FOXK1: variants seen among roughly 807,000 people sequenced by gnomAD.
FOXK1 encodes forkhead box K1, also known as forkhead box protein K1.
Under a neutral mutation model 51.9 loss-of-function variants are expected in FOXK1, and 19 were observed. That is an observed-to-expected ratio of 0.37 (90% CI 0.26 to 0.54). The LOEUF is 0.54. FOXK1 is among the 20% of genes least tolerant of loss of function. The probability of loss-of-function intolerance (pLI) is 0.87; values close to 1 mark genes in which losing one functional copy is unlikely to be tolerated. For missense variants in FOXK1, 870 were observed against 1,032.7 expected, an observed-to-expected ratio of 0.84 and a Z score of 2.16; for synonymous variants, 537 against 482.6, an observed-to-expected ratio of 1.11 and a Z score of -1.48.
chr7:4,700,358 G>C (rs1780006073), intron 1 of FOXK1, among the ~76,000 whole-genome samples: 2 of 152,246 alleles, frequency 1.3e-5, no homozygotes, highest in Admixed American at 6.5e-5. Context: ...AAAGTGATCA[G>C]AAGTTCCATT....
chr7:4,740,382 A>T (rs1212545938), intron 1 of FOXK1, among the ~76,000 whole-genome samples: 1 of 151,096 alleles, frequency 6.6e-6, no homozygotes, highest in African/African-American at 2.4e-5. Context: ...GTGAGCTGAG[A>T]TCGTGTCCCT....
intron 1 of FOXK1, among the ~76,000 whole-genome samples, chr7:4,685,233 T>TC (rs1422701969): frequency 2.0e-5 from 3 of 150,052 alleles, no homozygotes; most frequent in African/African-American, 7.4e-5. Context: ...TTTTTTTTTT[T>TC]TTTTTTTTCT....
intron 1 of FOXK1, among the ~76,000 whole-genome samples, chr7:4,738,436 CAAA>C (rs763097060): frequency 7.1e-5 from 7 of 99,128 alleles, no homozygotes; most frequent in Non-Finnish European, 4.3e-5. Flanking sequence ...GACTCCGTCT[CAAA>C]AAAAAAAAAA....
intron 1 of FOXK1, among the ~76,000 whole-genome samples, chr7:4,696,912 AC>A (rs1403348908): frequency 2.0e-5 from 3 of 152,126 alleles, no homozygotes; most frequent in Non-Finnish European, 4.4e-5. Flanking sequence ...TACTAAAAAT[AC>A]AAAAATTAGC....
chr7:4,697,731 G>A (rs1204554763), intron 1 of FOXK1, among the ~76,000 whole-genome samples: 1 of 141,492 alleles, frequency 7.1e-6, no homozygotes, highest in Non-Finnish European at 1.5e-5. Context: ...TTACATACAG[G>A]AAAGATAGGC....
At position 4,755,479 on chromosome 7, in the gene FOXK1, T is replaced by A; in HGVS notation, c.1050+96T>A. ...TTCCCTTAAAACAGAAGAGGGCCAG[T>A]GAGGGGGCTCACGCCTGGAACCCTA... On this transcript the variant is annotated intron_variant, in intron 4 of 8. Coordinates refer to ENST00000328914, the MANE Select transcript of FOXK1 (RefSeq NM_001037165.2). The surrounding 1 kb of genome is among the most constrained non-coding windows in gnomAD (Gnocchi z 6.6). 6.6e-7 allele frequency: 1 copy of A among 1,510,206 alleles called. No homozygotes were observed. The highest frequency in any genetic ancestry group is 9.0e-7 in the Non-Finnish European group (1 of 1,117,310). 93.6% of individuals were successfully genotyped at this position (1,510,206 alleles called of 1,614,324 possible). A position where few individuals can be genotyped will look rare whatever the true frequency, so the allele number is the denominator to read the frequency against.
In FOXK1 at chr7:4,729,238, G is replaced by C. The variant is rs113132771; in HGVS notation, c.561-11600G>C. On this transcript the variant is annotated intron_variant, in intron 1 of 8. Transcript: ENST00000328914. This position sits in a 1 kb window ranked among gnomAD's most constrained non-coding sequence, Gnocchi z 6.2. ...CTCAGGATCCTCTTCGGGAGCAGCAGGCAGTGGCTTTCTCCTGGGCCAGGC... is the reference window on the plus strand; with the variant it reads ...CTCAGGATCCTCTTCGGGAGCAGCACGCAGTGGCTTTCTCCTGGGCCAGGC... Among the ~76,000 whole-genome samples the C allele has an allele frequency of 1.8e-4, 27 of 152,328 alleles. 1 individual carries two copies. The highest frequency in any genetic ancestry group is 5.8e-4 in the African/African-American group (24 of 41,576).
At position 4,734,833 on chromosome 7, in the gene FOXK1, AG is replaced by A. The variant is rs563698508; in HGVS notation, c.561-6004del. On this transcript the variant is annotated intron_variant, in intron 1 of 8. Transcript: ENST00000328914. This position sits in a 1 kb window ranked among gnomAD's most constrained non-coding sequence, Gnocchi z 5.2. Reference sequence around the variant, plus strand: ...TCCAGGCCTCGGGTTCACCCCATCCAGAAAGTAAACCCGTCCTTCCGCTGGG... The same window carrying A: ...TCCAGGCCTCGGGTTCACCCCATCCAAAAGTAAACCCGTCCTTCCGCTGGG... Among the ~76,000 whole-genome samples the A allele has an allele frequency of 1.9e-4, 29 of 152,288 alleles. No individual in the cohort carries two copies. The South Asian group carries it at 5.8e-3, about 30-fold the overall frequency.
At chr7:4,691,835 C>G (rs1043101046) in intron 1 of FOXK1, among the ~76,000 whole-genome samples, 1 of 152,180 alleles carries the variant, frequency 6.6e-6, no homozygotes, top group Non-Finnish European at 1.5e-5. Context: ...AGCAGAGACC[C>G]TGTTATTATG....
In FOXK1 at chr7:4,757,617, A is replaced by G. The variant is rs1232737536; in HGVS notation, c.1244+430A>G. Among the ~76,000 whole-genome samples, 5 of 142,716 alleles carry G rather than the reference A, an allele frequency of 3.5e-5. 1 individual carries two copies. The highest frequency in any genetic ancestry group is 1.3e-4 in the African/African-American group (5 of 37,158). The allele number at this position is 142,716 out of a possible 152,430, so 93.6% of individuals were successfully genotyped here. A position where few individuals can be genotyped will look rare whatever the true frequency, so the allele number is the denominator to read the frequency against. On this transcript the variant is annotated intron_variant, in intron 5 of 8. Transcript: ENST00000328914. Reference sequence around the variant, plus strand: ...CCACTGCACTGCAGCCTGGGCGACAAGAGCAAAACTCCGTCTCAAAAAAAA... The same window carrying G: ...CCACTGCACTGCAGCCTGGGCGACAGGAGCAAAACTCCGTCTCAAAAAAAA...
chr7:4,755,118 G>A lies in FOXK1; in HGVS notation c.904-119G>A, dbSNP rs1419316864. The stretch of plus-strand genomic sequence containing the variant: ...GGATAGTTGGAGGGCACTGGGACGG[G>A]TGCCGGCAAGACGCGCACATTCTCG... On this transcript the variant is annotated intron_variant, in intron 3 of 8. Transcript: ENST00000328914. The surrounding 1 kb of genome is among the most constrained non-coding windows in gnomAD (Gnocchi z 6.6). 5 of 1,314,476 alleles carry A rather than the reference G, an allele frequency of 3.8e-6. No individual in the cohort carries two copies. Among genetic ancestry groups the A allele is most frequent in the Non-Finnish European group, 5.2e-6 (5 of 960,956 alleles). The allele number at this position is 1,314,476 out of a possible 1,614,324, so 81.4% of individuals were successfully genotyped here.
At chr7:4,741,255 T>C (rs1377279170) in intron 2 of FOXK1, among the ~76,000 whole-genome samples, 3 of 152,244 alleles carry the variant, frequency 2.0e-5, no homozygotes, top group Non-Finnish European at 4.4e-5. Flanking sequence ...TTTTACATAT[T>C]AGAGCTTGTT....
intron 2 of FOXK1, among the ~76,000 whole-genome samples, chr7:4,752,813 C>T (rs1328705515): frequency 6.6e-6 from 1 of 152,178 alleles, no homozygotes; most frequent in East Asian, 1.9e-4. Flanking sequence ...GCCCCTCCGG[C>T]CATGAGGCCA....
At position 4,718,362 on chromosome 7, in the gene FOXK1, T is replaced by C. The variant is rs554953329; in HGVS notation, c.561-22476T>C. Among the ~76,000 whole-genome samples, 182 of 152,268 alleles carry C rather than the reference T, an allele frequency of 1.2e-3. 1 individual carries two copies. Among genetic ancestry groups the C allele is most frequent in the Middle Eastern group, 0.01 (3 of 294 alleles). ...CGTCTCCATGGCTGCAGGCCTGTCGTTATGAGAAGGTTTCAGAAGCGGGCT... is the reference window on the plus strand; with the variant it reads ...CGTCTCCATGGCTGCAGGCCTGTCGCTATGAGAAGGTTTCAGAAGCGGGCT... On this transcript the variant is annotated intron_variant, in intron 1 of 8. Coordinates refer to ENST00000328914, the MANE Select transcript of FOXK1 (RefSeq NM_001037165.2).
rs1780853300 is a variant in FOXK1, at chr7:4,756,385, G to T, written c.1051-609G>T. On this transcript the variant is annotated intron_variant, in intron 4 of 8. Coordinates refer to ENST00000328914, the MANE Select transcript of FOXK1 (RefSeq NM_001037165.2). This position sits in a 1 kb window ranked among gnomAD's most constrained non-coding sequence, Gnocchi z 4.1. ...CCAGCCTCGGCTTCCCAAAGTGCTG[G>T]GATTACAGGCGTGAGCCACTGTGCC... is the stretch of plus-strand genomic sequence containing the variant. Among the ~76,000 whole-genome samples, 1 of 151,938 alleles carries T rather than the reference G, an allele frequency of 6.6e-6. No homozygotes were observed. The highest frequency in any genetic ancestry group is 6.6e-5 in the Admixed American group (1 of 15,264).
intron 2 of FOXK1, among the ~76,000 whole-genome samples, chr7:4,750,570 G>C (rs1229846351): frequency 6.6e-6 from 1 of 151,720 alleles, no homozygotes; most frequent in Admixed American, 6.6e-5. Context: ...AGCCTCCCAA[G>C]TAGCTGGGAC....
In FOXK1 at chr7:4,755,431, C is replaced by T; in HGVS notation, c.1050+48C>T. 6.2e-7 allele frequency: 1 copy of T among 1,600,284 alleles called. No individual in the cohort carries two copies. Among genetic ancestry groups the T allele is most frequent in the Non-Finnish European group, 8.5e-7 (1 of 1,171,582 alleles). ...GGATCGCCTCTGAAGGCCCTTAGAA[C>T]ATGGAACTCACAGGCATATTGCTTC... On this transcript the variant is annotated intron_variant, in intron 4 of 8. Coordinates refer to ENST00000328914, the MANE Select transcript of FOXK1 (RefSeq NM_001037165.2). The surrounding 1 kb of genome is among the most constrained non-coding windows in gnomAD (Gnocchi z 6.6).
At chr7:4,742,718 G>A (rs1259320704) in intron 2 of FOXK1, among the ~76,000 whole-genome samples, 5 of 152,262 alleles carry the variant, frequency 3.3e-5, no homozygotes, top group East Asian at 3.9e-4. Context: ...CACCCAGCCC[G>A]TACATGGCCT....
intron 1 of FOXK1, among the ~76,000 whole-genome samples, chr7:4,695,764 C>T (rs1237439760): frequency 6.6e-6 from 1 of 152,098 alleles, no homozygotes; most frequent in Non-Finnish European, 1.5e-5. Flanking sequence ...TGGAGAAACC[C>T]CGTCTCTACT....
Sources: allele counts gnomAD v4.1 joint callset (sites outside exome capture counted in the v4.1 genomes callset), GRCh38; gene constraint gnomAD v4.1.1; non-coding constraint Gnocchi (gnomAD v3.1); transcripts MANE v1.5; gene names NCBI Gene and HGNC (gene_info 2026-07-23, HGNC 2026-07-21).